The following AGMO variants were observed in gnomAD, a reference collection of about 807,000 sequenced individuals.
AGMO encodes alkylglycerol monooxygenase, also known as glyceryl-ether monooxygenase.
Under a neutral mutation model 60.2 loss-of-function variants are expected in AGMO, and 75 were observed. The ratio of observed to expected loss-of-function variants is 1.25; its 90% CI spans 1.03 to 1.51. AGMO has a LOEUF of 1.51. Ranked by LOEUF, AGMO falls within the 40% of genes most tolerant of loss-of-function variation. AGMO has a pLI of 0.00. For missense variants in AGMO, 763 were observed against 525.5 expected, an observed-to-expected ratio of 1.45 and a Z score of -4.42; for synonymous variants, 261 against 177.1, an observed-to-expected ratio of 1.47 and a Z score of -3.76.
chr7:15,382,245 T>C (rs1339168872), intron 10 of AGMO, among the ~76,000 whole-genome samples: 1 of 152,196 alleles, frequency 6.6e-6, no homozygotes, highest in African/African-American at 2.4e-5. Flanking sequence ...TGAAAATCTA[T>C]TTAGCAGGAT....
At chr7:15,433,280 A>C (rs1441539031) in intron 3 of AGMO, among the ~76,000 whole-genome samples, 1 of 152,084 alleles carries the variant, frequency 6.6e-6, no homozygotes, top group South Asian at 2.1e-4. Flanking sequence ...ACAAAGGTGG[A>C]GGTTAAAGAT....
At chr7:15,483,095 A>G (rs1782804262) in intron 3 of AGMO, among the ~76,000 whole-genome samples, 1 of 152,236 alleles carries the variant, frequency 6.6e-6, no homozygotes, top group African/African-American at 2.4e-5. Context: ...AAAGAAGAAA[A>G]TAATACTGTT....
At chr7:15,299,309 T>A (rs73679463) in intron 12 of AGMO, among the ~76,000 whole-genome samples, 115 of 152,284 alleles carry the variant, frequency 7.6e-4, no homozygotes, top group African/African-American at 2.7e-3. Context: ...TTAGGTCTTT[T>A]TCTCTGACCT....
intron 12 of AGMO, among the ~76,000 whole-genome samples, chr7:15,225,632 T>C (rs889788935): frequency 6.6e-6 from 1 of 152,116 alleles, no homozygotes; most frequent in Non-Finnish European, 1.5e-5. Flanking sequence ...TAACTTAAGT[T>C]GAATATTTTT....
intron 3 of AGMO, among the ~76,000 whole-genome samples, chr7:15,466,281 C>T (rs1172713355): frequency 2.6e-5 from 4 of 152,090 alleles, no homozygotes; most frequent in African/African-American, 9.7e-5. Context: ...GTTCAAAACA[C>T]AAAGTAATTA....
At chr7:15,147,410 G>A in the AGMO span, among the ~76,000 whole-genome samples, 228 of 152,256 alleles carry the variant, frequency 1.5e-3, 1 homozygote, top group Non-Finnish European at 2.6e-3. Flanking sequence ...GGTGGCAGGC[G>A]AGAGAGAGGA....
chr7:15,377,318 A>T (rs1222108741), intron 10 of AGMO, among the ~76,000 whole-genome samples: 1 of 152,094 alleles, frequency 6.6e-6, no homozygotes, highest in Non-Finnish European at 1.5e-5. Context: ...CTCTACTTTC[A>T]GTTTGTAAAG....
chr7:15,314,068 T>C (rs1184652598), intron 12 of AGMO, among the ~76,000 whole-genome samples: 1 of 152,000 alleles, frequency 6.6e-6, no homozygotes, highest in African/African-American at 2.4e-5. Context: ...CATCAAGCCA[T>C]GGCAGTGTTG....
At chr7:15,300,510 A>T (rs1784534981) in intron 12 of AGMO, among the ~76,000 whole-genome samples, 1 of 152,192 alleles carries the variant, frequency 6.6e-6, no homozygotes, top group Non-Finnish European at 1.5e-5. Context: ...AAACTGAAAA[A>T]AAAATCAAGA....
At chr7:15,148,539 T>C in the AGMO span, among the ~76,000 whole-genome samples, 1 of 152,118 alleles carries the variant, frequency 6.6e-6, no homozygotes, top group Admixed American at 6.6e-5. Context: ...TATGTTCATG[T>C]GTACTCAAGG....
chr7:15,544,888 A>C lies in AGMO; in HGVS notation c.293T>G (p.Ile98Ser). 2 of 1,594,204 alleles carry C rather than the reference A, an allele frequency of 1.3e-6. No homozygotes were observed. The highest frequency in any genetic ancestry group is 1.7e-6 in the Non-Finnish European group (2 of 1,168,994). Residue 98 changes from isoleucine (I) to serine (S), a missense_variant, in exon 3 of 13, where the codon ATT (isoleucine) becomes AGT (serine). By Grantham distance (142) the Ile-to-Ser change is moderately radical (BLOSUM62 -2). Transcript: ENST00000342526. ...CAGCCTGTAGTTCTCCCAGATATAAATATAACTGGTCAGTTCAATGCTCCT... is the reference window on the plus strand; with the variant it reads ...CAGCCTGTAGTTCTCCCAGATATAACTATAACTGGTCAGTTCAATGCTCCT... ...FFRSIELTSYIYIWENYRLFN... is the reference protein window; with the variant it reads ...FFRSIELTSYSYIWENYRLFN...
intron 12 of AGMO, among the ~76,000 whole-genome samples, chr7:15,321,155 C>G (rs184247321): frequency 7.7e-4 from 117 of 152,198 alleles, no homozygotes; most frequent in Non-Finnish European, 1.4e-3. Flanking sequence ...TGGCCATAAA[C>G]CTAACTGGAA....
chr7:15,352,968 G>C (rs1280976327), intron 12 of AGMO, among the ~76,000 whole-genome samples: 2 of 152,068 alleles, frequency 1.3e-5, no homozygotes, highest in Non-Finnish European at 2.9e-5. Flanking sequence ...TCTTGTTACT[G>C]CATGGGGAGT....
chr7:15,184,824 AG>A, the AGMO span, among the ~76,000 whole-genome samples: 1 of 78,698 alleles, frequency 1.3e-5, no homozygotes, highest in Non-Finnish European at 2.6e-5. Flanking sequence ...AAGGGAAGGA[AG>A]GAAGGAATGA....
chr7:15,315,328 CTTTTT>C (rs1178276622), intron 12 of AGMO, among the ~76,000 whole-genome samples: 64 of 48,172 alleles, frequency 1.3e-3, no homozygotes, highest in African/African-American at 4.3e-3. Context: ...TGGATATTTG[CTTTTT>C]TTTTTTTTTT....
chr7:15,443,921 G>C (rs1376600521), intron 3 of AGMO, among the ~76,000 whole-genome samples: 2 of 152,012 alleles, frequency 1.3e-5, no homozygotes, highest in Non-Finnish European at 2.9e-5. Context: ...CGTCTTTCAA[G>C]AACTATTGCA....
At chr7:15,474,066 GA>G (rs1209660916) in intron 3 of AGMO, among the ~76,000 whole-genome samples, 2 of 151,950 alleles carry the variant, frequency 1.3e-5, no homozygotes, top group Non-Finnish European at 2.9e-5. Context: ...ACAAACAAAT[GA>G]AAAACATTCC....
At position 15,288,903 on chromosome 7, in the gene AGMO, T is replaced by C. The variant is rs979653164; in HGVS notation, c.1263+76611A>G. Reference sequence around the variant, plus strand: ...CTTATCTCTTTAAAGCTTCCGTAAGTTTTGGCAAACATCACACCAGTTTCA... The same window carrying C: ...CTTATCTCTTTAAAGCTTCCGTAAGCTTTGGCAAACATCACACCAGTTTCA... On this transcript the variant is annotated intron_variant, in intron 12 of 12. Coordinates refer to ENST00000342526, the MANE Select transcript of AGMO (RefSeq NM_001004320.2). Among the ~76,000 whole-genome samples the C allele has an allele frequency of 2.6e-5, 4 of 151,518 alleles. No homozygotes were observed. In the East Asian group the frequency reaches 7.7e-4, roughly 29 times the overall value.
At chr7:15,279,417 T>G (rs185879564) in intron 12 of AGMO, among the ~76,000 whole-genome samples, 37 of 152,312 alleles carry the variant, frequency 2.4e-4, no homozygotes, top group African/African-American at 7.2e-4. Context: ...ATGACAGAGG[T>G]GTCCACTAGC....
Sources: gnomAD v4.1 joint callset for allele counts (sites outside exome capture counted in the v4.1 genomes callset) on GRCh38, gnomAD v4.1.1 for gene constraint, MANE v1.5 for transcripts, NCBI Gene and HGNC (gene_info 2026-07-23, HGNC 2026-07-21) for gene names.